Variants in FAM169A observed in about 807,000 individuals in gnomAD.
The protein encoded by FAM169A is family with sequence similarity 169 member A, also known as soluble lamin-associated protein of 75 kDa.
A neutral mutation model predicts 75.7 loss-of-function variants in FAM169A; 24 were observed. The ratio of observed to expected loss-of-function variants is 0.32; its 90% CI spans 0.23 to 0.45. The LOEUF (loss-of-function observed/expected upper bound fraction) is 0.45, where lower values mean the gene tolerates loss of function less well. FAM169A is among the 20% of genes least tolerant of loss of function. The pLI is 1.00. For missense variants in FAM169A, 673 were observed against 784.0 expected (o/e 0.86, Z 1.69); for synonymous variants, 271 against 271.0 (o/e 1.00, Z 0.00).
At chr5:74,852,108 T>C (rs1749472806) in intron 1 of FAM169A, among the ~76,000 whole-genome samples, 1 of 152,238 alleles carries the variant, frequency 6.6e-6, no homozygotes, top group South Asian at 2.1e-4. Flanking sequence ...AATTTTGGCA[T>C]ACCATTTGCG....
At chr5:74,838,114 C>CAA (rs1169194601) in intron 4 of FAM169A, among the ~76,000 whole-genome samples, 113 of 65,296 alleles carry the variant, frequency 1.7e-3, no homozygotes, top group African/African-American at 4.5e-3. Context: ...AACTCCATCC[C>CAA]AAAAAAAAAA....
intron 4 of FAM169A, among the ~76,000 whole-genome samples, chr5:74,836,619 G>C (rs1748584068): frequency 6.6e-6 from 1 of 152,134 alleles, no homozygotes; most frequent in African/African-American, 2.4e-5. Context: ...GATTTGACTG[G>C]AATAGCAGTC....
intron 1 of FAM169A, among the ~76,000 whole-genome samples, chr5:74,843,041 A>C (rs1171034168): frequency 6.6e-6 from 1 of 152,146 alleles, no homozygotes; most frequent in African/African-American, 2.4e-5. Flanking sequence ...TCATACATAC[A>C]ACGTAACAGT....
intron 11 of FAM169A, among the ~76,000 whole-genome samples, chr5:74,794,828 A>G (rs554488577): frequency 3.3e-5 from 5 of 150,788 alleles, no homozygotes; most frequent in Non-Finnish European, 7.4e-5. Flanking sequence ...GTGTTGGTGT[A>G]CCTGTAATCC....
intron 11 of FAM169A, among the ~76,000 whole-genome samples, chr5:74,789,654 G>A (rs779451038): frequency 6.6e-6 from 1 of 152,228 alleles, no homozygotes; most frequent in Non-Finnish European, 1.5e-5. Flanking sequence ...CAGGGATGCT[G>A]TGAGAAGCCT....
intron 6 of FAM169A, among the ~76,000 whole-genome samples, chr5:74,810,819 C>CTT (rs59139246): frequency 7.5e-4 from 86 of 115,206 alleles, no homozygotes; most frequent in Non-Finnish European, 9.7e-4. Context: ...GATATTTGCC[C>CTT]TTTTTTTTTT....
intron 6 of FAM169A, among the ~76,000 whole-genome samples, chr5:74,812,670 T>C (rs1048598843): frequency 6.6e-6 from 1 of 151,956 alleles, no homozygotes; most frequent in African/African-American, 2.4e-5. Flanking sequence ...GGTCAAAGGA[T>C]CTGAACAGAT....
chr5:74,810,062 GA>G (rs1747096219), intron 6 of FAM169A, among the ~76,000 whole-genome samples: 1 of 152,042 alleles, frequency 6.6e-6, no homozygotes, highest in East Asian at 1.9e-4. Flanking sequence ...GCCAAGAAAG[GA>G]AAAAACCCAA....
intron 5 of FAM169A, among the ~76,000 whole-genome samples, chr5:74,829,033 C>A (rs1240868547): frequency 6.6e-6 from 1 of 152,130 alleles, no homozygotes; most frequent in East Asian, 1.9e-4. Context: ...AAGTTCTACG[C>A]CTGAGGTCAA....
At chr5:74,804,632 G>A in intron 7 of FAM169A, 27 bp from the exon 8 acceptor site, 1 of 1,289,446 alleles carries the variant, frequency 7.8e-7, no homozygotes, top group East Asian at 2.3e-5. Context: ...TTTAAAAACT[G>A]TAACCGAATC....
intron 1 of FAM169A, among the ~76,000 whole-genome samples, chr5:74,857,230 T>C (rs954287279): frequency 1.7e-4 from 25 of 147,992 alleles, no homozygotes; most frequent in Admixed American, 6.8e-5. Flanking sequence ...TTGGGAGAAA[T>C]AATTCTCACT....
chr5:74,855,842 A>T (rs1037281134), intron 1 of FAM169A, among the ~76,000 whole-genome samples: 2 of 152,210 alleles, frequency 1.3e-5, no homozygotes, highest in Admixed American at 1.3e-4. Flanking sequence ...GGTATTGCTC[A>T]TGCAATCTTT....
upstream of FAM169A, chr5:74,866,652 G>A (rs529485193): frequency 1.5e-3 from 1,184 of 810,094 alleles, 1 homozygote; most frequent in Non-Finnish European, 1.6e-3. Context: ...CAGGGCAATG[G>A]CCTGGTATTA....
At chr5:74,784,039 A>G (rs988878895) in intron 11 of FAM169A, among the ~76,000 whole-genome samples, 1 of 152,102 alleles carries the variant, frequency 6.6e-6, no homozygotes, top group African/African-American at 2.4e-5. Flanking sequence ...TTATTATATC[A>G]TATGATACAC....
At chr5:74,791,825 A>G (rs1193274010) in intron 11 of FAM169A, among the ~76,000 whole-genome samples, 1 of 152,270 alleles carries the variant, frequency 6.6e-6, no homozygotes, top group East Asian at 1.9e-4. Flanking sequence ...GGCAAAGGGA[A>G]TACAGAATGA....
chr5:74,802,690 T>C (rs111485851), intron 8 of FAM169A, among the ~76,000 whole-genome samples: 5 of 152,180 alleles, frequency 3.3e-5, no homozygotes, highest in African/African-American at 9.6e-5. Context: ...TATCTTTATA[T>C]GTCCAATGCT....
chr5:74,841,659 A>G lies in FAM169A; in HGVS notation c.18T>C (p.Asp6=), dbSNP rs766445900. The G allele has an allele frequency of 1.9e-6, 3 of 1,612,698 alleles. No homozygotes were observed. The South Asian group carries it at 3.3e-5, about 18-fold the overall frequency. ...CCTCATGGCTGCAATTTTCCAGCATATCCACAGGGAATGCCATCCTCTTTA... is the reference window on the plus strand; with the variant it reads ...CCTCATGGCTGCAATTTTCCAGCATGTCCACAGGGAATGCCATCCTCTTTA... MAFPV[D]MLENCSHEEL... is the part of the protein sequence containing the mutation. The change falls in exon 2 of 13, where the codon GAT becomes GAC. Residue 6 remains aspartate (D), a synonymous_variant. Transcript: ENST00000687041.
intron 8 of FAM169A, 103 bp from the exon 9 acceptor site, chr5:74,801,732 A>C (rs1746590337): frequency 8.4e-6 from 7 of 829,884 alleles, no homozygotes. Context: ...AATGTTTTCC[A>C]AATAGCACTT....
chr5:74,813,413 G>A (rs1747309761), intron 6 of FAM169A, among the ~76,000 whole-genome samples: 2 of 151,908 alleles, frequency 1.3e-5, no homozygotes, highest in South Asian at 4.2e-4. Context: ...TGCAACCTCT[G>A]CCTCCCGGAT....
Sources: gnomAD v4.1 joint callset for allele counts (sites outside exome capture counted in the v4.1 genomes callset) on GRCh38, gnomAD v4.1.1 for gene constraint, MANE v1.5 for transcripts, NCBI Gene and HGNC (gene_info 2026-07-23, HGNC 2026-07-21) for gene names.